IRAG2: variants seen among roughly 807,000 people sequenced by gnomAD.
The protein encoded by IRAG2 is inositol 1,4,5-triphosphate receptor associated 2, also known as lymphoid restricted membrane protein.
In IRAG2, 45 loss-of-function variants were observed where a neutral mutation model predicts 69.9. The ratio of observed to expected loss-of-function variants is 0.64; its 90% CI spans 0.51 to 0.83. The LOEUF (loss-of-function observed/expected upper bound fraction) is 0.83. Ranked by LOEUF, IRAG2 falls within the 40% of genes least tolerant of loss-of-function variation. The pLI is 0.00. For missense variants in IRAG2, 520 were observed against 587.0 expected (o/e 0.89, Z 1.18); for synonymous variants, 193 against 202.4 (o/e 0.95, Z 0.40).
chr12:25,106,835 C>A (rs1401603951), intron 20 of IRAG2, 108 bp from the exon 21 acceptor site: 3 of 414,438 alleles, frequency 7.2e-6, no homozygotes, highest in Non-Finnish European at 8.6e-6. Context: ...TAAAACAGAA[C>A]AAATATTTGT....
chr12:25,061,757 TTAAA>T, intron 2 of IRAG2, 104 bp downstream of exon 2: 1 of 397,008 alleles, frequency 2.5e-6, no homozygotes. Context: ...AATCATTAAA[TTAAA>T]TAACCAGTTT....
intron 9 of IRAG2, among the ~76,000 whole-genome samples, chr12:25,081,838 A>G (rs12301121): frequency 0.013 from 2,030 of 152,288 alleles, 45 homozygotes; most frequent in African/African-American, 0.046. Flanking sequence ...TTGGGGGAAA[A>G]AAGTACAGAA....
intron 10 of IRAG2, chr12:25,030,912 TACCCAAATTATTTGAA>T: frequency 2.0e-6 from 1 of 490,228 alleles, no homozygotes; most frequent in Non-Finnish European, 2.6e-6. Flanking sequence ...GAAGAATATA[TACCCAAATTATTTGAA>T]ACCCAATTTG....
chr12:25,091,978 G>A (rs932034376), intron 14 of IRAG2, among the ~76,000 whole-genome samples: 1 of 152,162 alleles, frequency 6.6e-6, no homozygotes, highest in South Asian at 2.1e-4. Context: ...TAAAAGTACA[G>A]TTTCAGGGCT....
At chr12:25,105,237 C>T (rs745743043) in intron 20 of IRAG2, among the ~76,000 whole-genome samples, 116 of 151,962 alleles carry the variant, frequency 7.6e-4, no homozygotes, top group East Asian at 7.8e-4. Context: ...CCACCACGCC[C>T]GGCTAATTTT....
chr12:25,077,319 T>TATATATATGAAATATATG lies in IRAG2; in HGVS notation c.25-1915_25-1914insAATATATGATATATATGA, dbSNP rs1565563274. On this transcript the variant is annotated intron_variant, in intron 6 of 21. Coordinates refer to ENST00000556887, the MANE Select transcript of IRAG2 (RefSeq NM_001366544.2). Reference sequence around the variant, plus strand: ...TATGAAATATATATGATATATATGATATATATATGATATATATATGAAATA... The same window carrying TATATATATGAAATATATG: ...TATGAAATATATATGATATATATGATATATATATGAAATATATGATATATATGATATATATATGAAATA... Among the ~76,000 whole-genome samples the TATATATATGAAATATATG allele has an allele frequency of 2.1e-3, 58 of 27,724 alleles. 1 individual carries two copies. Among genetic ancestry groups the TATATATATGAAATATATG allele is most frequent in the Admixed American group, 4.0e-3 (9 of 2,236 alleles). The allele number at this position is 27,724 out of a possible 152,430, so 18.2% of individuals were successfully genotyped here. A position where few individuals can be genotyped will look rare whatever the true frequency, so the allele number is the denominator to read the frequency against.
chr12:25,078,884 A>G (rs564504484), intron 6 of IRAG2, among the ~76,000 whole-genome samples: 6 of 152,214 alleles, frequency 3.9e-5, no homozygotes, highest in South Asian at 2.1e-4. Context: ...ATTCCCACAC[A>G]TAGAAATGTT....
Position 25,096,099 on chromosome 12 carries a change from G to A in IRAG2, c.607-811G>A, listed in dbSNP as rs564749094. Among the ~76,000 whole-genome samples, 44 of 151,220 alleles carry A rather than the reference G, an allele frequency of 2.9e-4. No homozygotes were observed. The South Asian group carries it at 4.4e-3, about 15-fold the overall frequency. On this transcript the variant is annotated intron_variant, in intron 14 of 21. Coordinates refer to ENST00000556887, the MANE Select transcript of IRAG2 (RefSeq NM_001366544.2). ...CCTATCATATGACAGTATTTCTGGA[G>A]AGGATACGTGATTGTCCCCACTGGA...
At position 25,079,276 on chromosome 12, in the gene IRAG2, C is replaced by A. The variant is rs766605912; in HGVS notation, c.57C>A (p.Ser19Arg). The A allele has an allele frequency of 3.1e-6, 5 of 1,613,894 alleles. No homozygotes were observed. In the South Asian group the frequency reaches 3.3e-5, roughly 11 times the overall value. Residue 19 changes from serine to arginine, a missense_variant, in exon 7 of 22, where the codon AGC becomes AGA. By Grantham distance (110) the Ser-to-Arg change is moderately radical. Transcript: ENST00000556887. ...ENGVERVCPESLLQSREYSSL... is the reference protein window; with the variant it reads ...ENGVERVCPERLLQSREYSSL... ...GTGTTGAACGCGTGTGTCCTGAGAG[C>A]CTGCTGCAGTCCAGGTTTGCTTGTT...
chr12:25,031,944 G>C (rs1944671204), intron 10 of IRAG2, among the ~76,000 whole-genome samples: 1 of 152,156 alleles, frequency 6.6e-6, no homozygotes, highest in Non-Finnish European at 1.5e-5. Flanking sequence ...TTACAGTCGT[G>C]AGCCACCACG....
At chr12:25,023,768 C>A in intron 7 of IRAG2, 1 of 516,604 alleles carries the variant, frequency 1.9e-6, no homozygotes, top group Non-Finnish European at 3.0e-6. Context: ...TAGGTGAATG[C>A]TACATTCAAA....
chr12:25,020,064 A>C (rs1418454990), intron 6 of IRAG2, among the ~76,000 whole-genome samples: 1 of 152,170 alleles, frequency 6.6e-6, no homozygotes, highest in Non-Finnish European at 1.5e-5. Context: ...CAGGTTCAGC[A>C]CTCAATTAGT....
At chr12:25,039,216 G>T (rs1313291904) in intron 16 of IRAG2, among the ~76,000 whole-genome samples, 2 of 152,198 alleles carry the variant, frequency 1.3e-5, no homozygotes, top group African/African-American at 4.8e-5. Context: ...ACTGAGGTAA[G>T]CTTGAAGCAA....
intron 14 of IRAG2, chr12:25,093,525 C>T (rs1948212306): frequency 1.3e-5 from 2 of 153,008 alleles, no homozygotes; most frequent in African/African-American, 4.8e-5. Context: ...GAGTTTTCTT[C>T]CTGGCTTTTT....
At chr12:25,071,971 AG>A (rs1247523885) in intron 6 of IRAG2, among the ~76,000 whole-genome samples, 1 of 152,146 alleles carries the variant, frequency 6.6e-6, no homozygotes, top group African/African-American at 2.4e-5. Flanking sequence ...TGGGAGACCG[AG>A]GCAGGTGGAT....
intron 15 of IRAG2, 163 bp from the exon 16 acceptor site, chr12:25,101,015 C>T: frequency 2.0e-6 from 1 of 503,518 alleles, no homozygotes. Context: ...TTGTCATATT[C>T]TCTTCTGTTT....
chr12:25,052,108 C>G (rs1311616789), upstream of IRAG2: 1 of 393,246 alleles, frequency 2.5e-6, no homozygotes, highest in Non-Finnish European at 4.5e-6. Context: ...TTCACTTTTT[C>G]CTCTGATCTC....
At chr12:25,029,283 C>T (rs1944650280) in intron 9 of IRAG2, among the ~76,000 whole-genome samples, 1 of 152,166 alleles carries the variant, frequency 6.6e-6, no homozygotes, top group African/African-American at 2.4e-5. Flanking sequence ...CTTTGCAAAA[C>T]ACAACTGTGA....
intron 9 of IRAG2, among the ~76,000 whole-genome samples, chr12:25,082,560 A>T (rs1294416994): frequency 6.6e-6 from 1 of 151,948 alleles, no homozygotes; most frequent in Non-Finnish European, 1.5e-5. Flanking sequence ...AGACTGCGCC[A>T]CTGCCCTCCA....
Sources: allele counts gnomAD v4.1 joint callset (sites outside exome capture counted in the v4.1 genomes callset), GRCh38; gene constraint gnomAD v4.1.1; transcripts MANE v1.5; gene names NCBI Gene and HGNC (gene_info 2026-07-23, HGNC 2026-07-21).